SEMA3D: variants seen among roughly 807,000 people sequenced by gnomAD.
SEMA3D encodes the protein semaphorin-3D.
A neutral mutation model predicts 100.1 loss-of-function variants in SEMA3D; 84 were observed. That is an observed-to-expected ratio of 0.84 (90% CI 0.70 to 1.01). SEMA3D has a LOEUF of 1.01. Ranked by LOEUF, SEMA3D falls within the 50% of genes least tolerant of loss-of-function variation. SEMA3D has a pLI of 0.00. For missense variants in SEMA3D, 875 were observed against 934.1 expected (o/e 0.94, Z 0.82); for synonymous variants, 312 against 320.7 (o/e 0.97, Z 0.29).
At chr7:85,192,905 T>C in the SEMA3D span, among the ~76,000 whole-genome samples, 1 of 152,140 alleles carries the variant, frequency 6.6e-6, no homozygotes, top group East Asian at 1.9e-4. Context: ...ACATTAGGAG[T>C]CTATGATAAC....
chr7:85,018,883 A>T (rs1669558644), intron 14 of SEMA3D, among the ~76,000 whole-genome samples: 1 of 151,762 alleles, frequency 6.6e-6, no homozygotes, highest in African/African-American at 2.4e-5. Flanking sequence ...AAAAGCTAAC[A>T]AACTAAAAAG....
chr7:85,185,502 A>T (rs923552955), intron 1 of SEMA3D, among the ~76,000 whole-genome samples: 6 of 152,182 alleles, frequency 3.9e-5, no homozygotes, highest in African/African-American at 1.4e-4. Context: ...GAGTCCACGC[A>T]CAGAAGCTTG....
intron 2 of SEMA3D, among the ~76,000 whole-genome samples, chr7:85,136,355 A>G (rs1465842597): frequency 6.6e-6 from 1 of 152,102 alleles, no homozygotes; most frequent in East Asian, 1.9e-4. Context: ...TATTTTACTT[A>G]ATCATTCAAC....
At chr7:85,171,240 C>A (rs977219672) in intron 1 of SEMA3D, among the ~76,000 whole-genome samples, 13 of 151,912 alleles carry the variant, frequency 8.6e-5, no homozygotes, top group Admixed American at 4.6e-4. Context: ...GGAAAAGCAA[C>A]AAGGCTGAGA....
At chr7:85,046,144 A>C (rs1415190440) in intron 9 of SEMA3D, among the ~76,000 whole-genome samples, 2 of 152,004 alleles carry the variant, frequency 1.3e-5, no homozygotes, top group African/African-American at 4.8e-5. Flanking sequence ...ATATAATCAG[A>C]ATATCTGCTT....
At chr7:85,213,624 A>G in the SEMA3D span, among the ~76,000 whole-genome samples, 331 of 152,154 alleles carry the variant, frequency 2.2e-3, 6 homozygotes, top group African/African-American at 7.6e-3. Flanking sequence ...TTCTTCACAG[A>G]TGGATAAAGG....
chr7:85,026,955 C>T (rs984807605), intron 12 of SEMA3D, among the ~76,000 whole-genome samples: 3 of 151,974 alleles, frequency 2.0e-5, no homozygotes, highest in African/African-American at 7.2e-5. Context: ...AATTTCTAAG[C>T]AATATTCCAG....
At chr7:85,160,836 C>G (rs976923841) in intron 1 of SEMA3D, among the ~76,000 whole-genome samples, 5 of 152,058 alleles carry the variant, frequency 3.3e-5, no homozygotes, top group Admixed American at 2.6e-4. Flanking sequence ...CTCTGCAAAC[C>G]AGTAAAAGAT....
chr7:85,040,414 A>G (rs1016369387), intron 11 of SEMA3D, among the ~76,000 whole-genome samples: 3 of 152,184 alleles, frequency 2.0e-5, no homozygotes, highest in Non-Finnish European at 4.4e-5. Flanking sequence ...GAAATAACAG[A>G]AATGTCCATG....
chr7:85,024,370 G>A lies in SEMA3D; in HGVS notation c.1192-1757C>T, dbSNP rs528151548. On this transcript the variant is annotated intron_variant, in intron 12 of 18. Coordinates refer to ENST00000284136, the MANE Select transcript of SEMA3D (RefSeq NM_001384900.1). ...AGAAAAAATCACTTTTGACTTTGCA[G>A]CTGTAGTTGTGCAGTAGCCAAAGTT... is the stretch of plus-strand genomic sequence containing the variant. Among the ~76,000 whole-genome samples the A allele has an allele frequency of 6.6e-5, 10 of 152,056 alleles. 1 individual carries two copies. In the East Asian group the frequency reaches 1.9e-3, roughly 30 times the overall value.
chr7:85,123,964 A>G (rs1789498332), intron 2 of SEMA3D, among the ~76,000 whole-genome samples: 7 of 152,204 alleles, frequency 4.6e-5, no homozygotes, highest in South Asian at 4.1e-4. Flanking sequence ...CAAAACCTAC[A>G]CCATCAGCAG....
At chr7:85,184,490 T>A (rs1166919378) in intron 1 of SEMA3D, among the ~76,000 whole-genome samples, 1 of 151,988 alleles carries the variant, frequency 6.6e-6, no homozygotes, top group Non-Finnish European at 1.5e-5. Context: ...TTTATGTCTT[T>A]GTTTTTTTTT....
At chr7:85,247,818 T>G in the SEMA3D span, among the ~76,000 whole-genome samples, 1 of 152,062 alleles carries the variant, frequency 6.6e-6, no homozygotes, top group Non-Finnish European at 1.5e-5. Context: ...TTCCAACAAA[T>G]TATGCAAGAA....
intron 8 of SEMA3D, among the ~76,000 whole-genome samples, chr7:85,057,981 T>C (rs1791369768): frequency 1.3e-5 from 2 of 152,072 alleles, no homozygotes; most frequent in African/African-American, 4.8e-5. Context: ...GAGTGATGGG[T>C]ATTCAGTCAA....
chr7:85,171,447 G>A (rs1182966722), intron 1 of SEMA3D, among the ~76,000 whole-genome samples: 1 of 151,824 alleles, frequency 6.6e-6, no homozygotes, highest in Non-Finnish European at 1.5e-5. Context: ...AATTATGGGG[G>A]CCTCAAAATA....
intron 1 of SEMA3D, chr7:85,167,217 T>A (rs1790931357): frequency 7.5e-6 from 7 of 936,190 alleles, no homozygotes; most frequent in Non-Finnish European, 8.9e-6. Context: ...TGAAATGTTA[T>A]AATAGGCTGA....
chr7:85,138,222 T>C (rs1789919113), intron 2 of SEMA3D, among the ~76,000 whole-genome samples: 1 of 152,140 alleles, frequency 6.6e-6, no homozygotes, highest in Non-Finnish European at 1.5e-5. Flanking sequence ...AAACAATTAA[T>C]TAATTTTAGG....
chr7:85,171,052 C>A (rs1319497629), intron 1 of SEMA3D, among the ~76,000 whole-genome samples: 4 of 151,936 alleles, frequency 2.6e-5, no homozygotes, highest in African/African-American at 4.8e-5. Flanking sequence ...CTCCAATTTT[C>A]TCAAATAATT....
the SEMA3D span, among the ~76,000 whole-genome samples, chr7:85,242,844 A>T: frequency 4.1e-4 from 63 of 152,306 alleles, no homozygotes; most frequent in African/African-American, 1.2e-3. Context: ...ATCTGAAATT[A>T]AAAAAATGAA....
Sources: gnomAD v4.1 joint callset for allele counts (sites outside exome capture counted in the v4.1 genomes callset) on GRCh38, gnomAD v4.1.1 for gene constraint, MANE v1.5 for transcripts, NCBI Gene and HGNC (gene_info 2026-07-23, HGNC 2026-07-21) for gene names.